The following SPHKAP variants were observed in gnomAD, a reference collection of about 807,000 sequenced individuals.
SPHKAP encodes the protein A-kinase anchor protein SPHKAP.
Under a neutral mutation model 137.5 loss-of-function variants are expected in SPHKAP, and 67 were observed. The observed-to-expected ratio is 0.49, with a 90% CI of 0.40 to 0.60. SPHKAP has a LOEUF of 0.60. Among genes scored for constraint, SPHKAP ranks in the 20% least tolerant of loss-of-function variants. The probability of loss-of-function intolerance (pLI) is 0.00; values close to 1 mark genes in which losing one functional copy is unlikely to be tolerated. For missense variants in SPHKAP, 2,097 were observed against 2,069.3 expected (o/e 1.01, Z -0.26); for synonymous variants, 813 against 785.3 (o/e 1.04, Z -0.59).
intron 3 of SPHKAP, among the ~76,000 whole-genome samples, chr2:228,070,228 G>A (rs60037364): frequency 0.019 from 2,834 of 152,062 alleles, 86 homozygotes; most frequent in African/African-American, 0.062. Context: ...TATATATTAC[G>A]TAATGATTCA....
intron 3 of SPHKAP, among the ~76,000 whole-genome samples, chr2:228,059,635 T>C (rs1221790508): frequency 6.6e-6 from 1 of 152,208 alleles, no homozygotes; most frequent in African/African-American, 2.4e-5. Flanking sequence ...CCAATTCTTG[T>C]CTTTAGGTAA....
At chr2:228,056,364 A>G (rs1200628032) in intron 3 of SPHKAP, among the ~76,000 whole-genome samples, 2 of 152,150 alleles carry the variant, frequency 1.3e-5, no homozygotes, top group Admixed American at 6.5e-5. Flanking sequence ...TGAAGTGGCC[A>G]TATCAAATGT....
intron 7 of SPHKAP, among the ~76,000 whole-genome samples, chr2:228,015,844 A>C (rs1313863318): frequency 6.6e-6 from 1 of 152,228 alleles, no homozygotes; most frequent in African/African-American, 2.4e-5. Flanking sequence ...TATGGAGAAG[A>C]AAAATGAGAG....
In SPHKAP at chr2:228,176,700, C is replaced by T. The variant is rs563714097; in HGVS notation, c.32+4867G>A. Reference sequence around the variant, plus strand: ...TAGCCTGACCAACATGGTGAAATCCCGTCTCTACTAAAAATACAAAATTAG... The same window carrying T: ...TAGCCTGACCAACATGGTGAAATCCTGTCTCTACTAAAAATACAAAATTAG... On this transcript the variant is annotated intron_variant, in intron 1 of 11. Coordinates refer to ENST00000392056, the MANE Select transcript of SPHKAP (RefSeq NM_001142644.2). 1.5e-4 allele frequency among the ~76,000 whole-genome samples: 23 copies of T among 152,222 alleles called. No individual in the cohort carries two copies. In the South Asian group the frequency reaches 4.6e-3, roughly 30 times the overall value.
chr2:228,166,048 C>T (rs111495392), intron 1 of SPHKAP, among the ~76,000 whole-genome samples: 2 of 152,106 alleles, frequency 1.3e-5, no homozygotes, highest in East Asian at 3.9e-4. Context: ...AGAGTGAGAA[C>T]AGTTAATGTC....
chr2:228,060,766 G>C (rs998446080), intron 3 of SPHKAP, among the ~76,000 whole-genome samples: 1 of 152,168 alleles, frequency 6.6e-6, no homozygotes, highest in Non-Finnish European at 1.5e-5. Flanking sequence ...CCTGATGAGG[G>C]GCTGACATGG....
intron 1 of SPHKAP, among the ~76,000 whole-genome samples, chr2:228,175,167 AT>A (rs1023538868): frequency 8.0e-5 from 12 of 150,252 alleles, no homozygotes; most frequent in East Asian, 4.0e-4. Context: ...TTATGGCTGA[AT>A]TTTTTTTCGG....
At position 228,116,898 on chromosome 2, in the gene SPHKAP, C is replaced by T. The variant is rs573371107; in HGVS notation, c.139-7959G>A. On this transcript the variant is annotated intron_variant, in intron 2 of 11. Coordinates refer to ENST00000392056, the MANE Select transcript of SPHKAP (RefSeq NM_001142644.2). ...TATAATCCACAGGTTTAATAAACAG[C>T]TCTACCATATAGCCTTTATGATGCA... 9.2e-5 allele frequency among the ~76,000 whole-genome samples: 14 copies of T among 152,276 alleles called. No homozygotes were observed. The East Asian group carries it at 2.5e-3, about 27-fold the overall frequency.
intron 3 of SPHKAP, among the ~76,000 whole-genome samples, chr2:228,034,495 G>A (rs141185383): frequency 0.38 from 57,782 of 151,568 alleles, 11,450 homozygotes; most frequent in South Asian, 0.5. Context: ...ATTCCAATCA[G>A]TAGAAAAAGA....
intron 3 of SPHKAP, among the ~76,000 whole-genome samples, chr2:228,056,752 T>C (rs1696461402): frequency 6.6e-6 from 1 of 152,178 alleles, no homozygotes; most frequent in African/African-American, 2.4e-5. Flanking sequence ...CTTTAAAGTA[T>C]GGATAGATAG....
chr2:228,126,533 T>TA (rs760452099), intron 2 of SPHKAP, among the ~76,000 whole-genome samples: 2 of 152,098 alleles, frequency 1.3e-5, no homozygotes, highest in Non-Finnish European at 2.9e-5. Flanking sequence ...TCCTAGCTCT[T>TA]AAAAAAGAGG....
intron 3 of SPHKAP, among the ~76,000 whole-genome samples, chr2:228,069,131 G>T (rs967345057): frequency 5.3e-5 from 8 of 152,174 alleles, no homozygotes; most frequent in African/African-American, 1.9e-4. Flanking sequence ...GCTGGGTGTG[G>T]TGGCAGGTGC....
chr2:228,106,001 G>C (rs560451570), intron 3 of SPHKAP, among the ~76,000 whole-genome samples: 67 of 152,218 alleles, frequency 4.4e-4, no homozygotes, highest in African/African-American at 1.6e-3. Context: ...TTCCTGTTCC[G>C]CATGCCTATC....
At chr2:228,164,916 C>T (rs1559210072) in intron 1 of SPHKAP, among the ~76,000 whole-genome samples, 1 of 152,138 alleles carries the variant, frequency 6.6e-6, no homozygotes, top group African/African-American at 2.4e-5. Flanking sequence ...GCACACATGT[C>T]AATTTGCTAT....
intron 1 of SPHKAP, among the ~76,000 whole-genome samples, chr2:228,133,439 T>C (rs1388734887): frequency 6.6e-6 from 1 of 152,168 alleles, no homozygotes; most frequent in African/African-American, 2.4e-5. Context: ...TTAAACCTCA[T>C]GTAAATATAA....
intron 2 of SPHKAP, among the ~76,000 whole-genome samples, chr2:228,114,415 A>G (rs573934200): frequency 9.2e-5 from 14 of 152,156 alleles, no homozygotes; most frequent in Non-Finnish European, 1.6e-4. Context: ...TTTAAATTGG[A>G]GAAGACAGTG....
rs1694744849 is a variant in SPHKAP at position 228,019,339 on chromosome 2, A to T, written c.1515T>A (p.Thr505=). The change falls in exon 7 of 12, where the codon ACT becomes ACA. Residue 505 remains threonine (T), a synonymous_variant. Coordinates refer to ENST00000392056, the MANE Select transcript of SPHKAP (RefSeq NM_001142644.2). Reference sequence around the variant, plus strand: ...GTGGACTGGAAATAGTTCCAATCACAGTGGCTGCACAAGCTAACGCCACTT... The same window carrying T: ...GTGGACTGGAAATAGTTCCAATCACTGTGGCTGCACAAGCTAACGCCACTT... ...ALEVALACAA[T]VIGTISSPQA... is the part of the protein sequence containing the mutation. 2 of 1,614,186 alleles carry T rather than the reference A, an allele frequency of 1.2e-6. No individual in the cohort carries two copies. Among genetic ancestry groups the T allele is most frequent in the East Asian group, 4.5e-5 (2 of 44,872 alleles).
chr2:228,095,323 C>T (rs559265637), intron 3 of SPHKAP, among the ~76,000 whole-genome samples: 5 of 152,084 alleles, frequency 3.3e-5, no homozygotes, highest in East Asian at 1.9e-4. Flanking sequence ...GGGCAGTGAG[C>T]GAGAAGCAAC....
At position 228,019,201 on chromosome 2, in the gene SPHKAP, C is replaced by G. The variant is rs752267009; in HGVS notation, c.1653G>C (p.Glu551Asp). The G allele has an allele frequency of 1.9e-6, 3 of 1,613,758 alleles. No homozygotes were observed. The highest frequency in any genetic ancestry group is 4.5e-5 in the East Asian group (2 of 44,884). Residue 551 changes from glutamate to aspartate, a missense_variant, in exon 7 of 12, where the codon GAG (glutamate) becomes GAC (aspartate). Glu to Asp is a conservative substitution (Grantham distance 45, BLOSUM62 2). Coordinates refer to ENST00000392056, the MANE Select transcript of SPHKAP (RefSeq NM_001142644.2). ...PQGLKEPSIN[E>D]YSFPSALCGM... is the part of the protein sequence containing the mutation. ...CACACAAAGCAGATGGAAAGGAGTA[C>G]TCATTGATGGAAGGTTCCTTGAGTC...
Sources: gnomAD v4.1 joint callset for allele counts (sites outside exome capture counted in the v4.1 genomes callset) on GRCh38, gnomAD v4.1.1 for gene constraint, MANE v1.5 for transcripts, NCBI Gene and HGNC (gene_info 2026-07-23, HGNC 2026-07-21) for gene names.